Variants in CDH4 observed in about 807,000 individuals in gnomAD.
CDH4 encodes the protein cadherin-4.
CDH4 carries 33 observed loss-of-function variants against 86.0 expected under a neutral mutation model. The observed-to-expected ratio is 0.38, with a 90% confidence interval of 0.29 to 0.51. The LOEUF is 0.51. CDH4 is among the 20% of genes least tolerant of loss of function. CDH4 has a pLI of 0.86. For missense variants in CDH4, 1,114 were observed against 1,307.4 expected (o/e 0.85, Z 2.28); for synonymous variants, 555 against 549.4 (o/e 1.01, Z -0.14).
chr20:61,572,192 G>C (rs1270296623), intron 2 of CDH4, among the ~76,000 whole-genome samples: 2 of 152,190 alleles, frequency 1.3e-5, no homozygotes, highest in African/African-American at 4.8e-5. Context: ...AGTCATATCA[G>C]CTCCGTGTTA....
chr20:61,821,674 G>A (rs1568834375), intron 4 of CDH4, among the ~76,000 whole-genome samples: 1 of 152,252 alleles, frequency 6.6e-6, no homozygotes, highest in Non-Finnish European at 1.5e-5. Flanking sequence ...GCTTACACCT[G>A]TGCTTCCTGA....
chr20:61,818,633 G>T (rs967707298), intron 4 of CDH4, among the ~76,000 whole-genome samples: 27 of 150,326 alleles, frequency 1.8e-4, no homozygotes, highest in Non-Finnish European at 1.3e-4. Flanking sequence ...AGCTATGATT[G>T]CCCCACTGCA....
chr20:61,563,691 CCCTT>C (rs1379827482), intron 2 of CDH4, among the ~76,000 whole-genome samples: 5 of 152,226 alleles, frequency 3.3e-5, no homozygotes, highest in Non-Finnish European at 5.9e-5. Context: ...AAATGCAGCT[CCCTT>C]CCAGCTGAAG....
chr20:61,700,831 A>C (rs533565691), intron 2 of CDH4, among the ~76,000 whole-genome samples: 1 of 152,346 alleles, frequency 6.6e-6, no homozygotes, highest in Non-Finnish European at 1.5e-5. Flanking sequence ...GGTGAGTGCC[A>C]CATGAGTCTT....
intron 2 of CDH4, among the ~76,000 whole-genome samples, chr20:61,390,525 C>T (rs369236223): frequency 4.3e-4 from 48 of 111,164 alleles, no homozygotes; most frequent in East Asian, 1.8e-3. Context: ...TGAGATCGTA[C>T]GGTCATAGGG....
chr20:61,530,267 G>A (rs1213551516), intron 2 of CDH4, among the ~76,000 whole-genome samples: 4 of 152,136 alleles, frequency 2.6e-5, no homozygotes, highest in Non-Finnish European at 5.9e-5. Context: ...CTGACCTCAA[G>A]TGATCCGCCC....
chr20:61,536,240 G>A (rs192100181), intron 2 of CDH4, among the ~76,000 whole-genome samples: 8 of 152,236 alleles, frequency 5.3e-5, no homozygotes, highest in South Asian at 2.1e-4. Context: ...ATCCAAAGCC[G>A]TGGCTCCCCT....
rs1193561960 is a variant in CDH4, at chr20:61,902,287, C to T, written c.1188+7240C>T. On this transcript the variant is annotated intron_variant, in intron 8 of 15. Coordinates refer to ENST00000614565, the MANE Select transcript of CDH4 (RefSeq NM_001794.5). This position sits in a 1 kb window ranked among gnomAD's most constrained non-coding sequence, Gnocchi z 4.6. The stretch of plus-strand genomic sequence containing the variant: ...AAGCCGGGGCCTCTGAAACCAGGAC[C>T]CCCGGGGCCTCCATTCCAGGAGAAG... Among the ~76,000 whole-genome samples the T allele has an allele frequency of 6.6e-6, 1 of 152,210 alleles. No individual in the cohort carries two copies. Among genetic ancestry groups the T allele is most frequent in the Non-Finnish European group, 1.5e-5 (1 of 68,038 alleles).
intron 7 of CDH4, among the ~76,000 whole-genome samples, chr20:61,881,169 G>C (rs1384658485): frequency 6.6e-6 from 1 of 152,220 alleles, no homozygotes; most frequent in Non-Finnish European, 1.5e-5. Flanking sequence ...GGTCAGGACA[G>C]CTCCTCCATC....
At chr20:61,661,894 C>T (rs1480406322) in intron 2 of CDH4, among the ~76,000 whole-genome samples, 1 of 152,100 alleles carries the variant, frequency 6.6e-6, no homozygotes, top group Non-Finnish European at 1.5e-5. Flanking sequence ...GATATTGTGC[C>T]GCGGTCCTGT....
At chr20:61,533,465 C>T (rs1252930197) in intron 2 of CDH4, among the ~76,000 whole-genome samples, 1 of 152,210 alleles carries the variant, frequency 6.6e-6, no homozygotes, top group Non-Finnish European at 1.5e-5. Context: ...CTTGTCCTCC[C>T]TAGACAGGAA....
intron 3 of CDH4, among the ~76,000 whole-genome samples, chr20:61,752,209 G>T (rs941937622): frequency 6.6e-5 from 10 of 151,720 alleles, no homozygotes; most frequent in Non-Finnish European, 1.5e-4. Flanking sequence ...GTGCACACCT[G>T]TAATCCCAGC....
At chr20:61,383,347 G>C (rs1427601198) in intron 2 of CDH4, among the ~76,000 whole-genome samples, 2 of 67,596 alleles carry the variant, frequency 3.0e-5, no homozygotes, top group South Asian at 3.7e-4. Flanking sequence ...TGATATATAT[G>C]AATATATATG....
chr20:61,546,826 C>T lies in CDH4; in HGVS notation c.170-196737C>T, dbSNP rs143769535. Among the ~76,000 whole-genome samples the T allele has an allele frequency of 1.4e-3, 217 of 152,232 alleles. 1 individual carries two copies. The highest frequency in any genetic ancestry group is 4.3e-3 in the African/African-American group (178 of 41,530). ...AGGAACGGGTTGGCTGGCTGGGCGC[C>T]GACGCGGTGCCACGGGATAATCCTT... On this transcript the variant is annotated intron_variant, in intron 2 of 15. Coordinates refer to ENST00000614565, the MANE Select transcript of CDH4 (RefSeq NM_001794.5).
At chr20:61,659,520 C>T (rs898942749) in intron 2 of CDH4, among the ~76,000 whole-genome samples, 84 of 151,384 alleles carry the variant, frequency 5.5e-4, no homozygotes, top group African/African-American at 1.8e-3. Flanking sequence ...AGGGTCTCAG[C>T]GGCTTGGAGA....
At chr20:61,496,236 CAAAA>C (rs896819365) in intron 2 of CDH4, among the ~76,000 whole-genome samples, 3 of 149,972 alleles carry the variant, frequency 2.0e-5, no homozygotes, top group African/African-American at 7.4e-5. Flanking sequence ...CCTGTCTGTA[CAAAA>C]AAAAATTAAA....
intron 4 of CDH4, among the ~76,000 whole-genome samples, chr20:61,790,553 A>G (rs1203152739): frequency 1.4e-5 from 2 of 142,914 alleles, no homozygotes. Flanking sequence ...CCATCTACCT[A>G]CCCACCATCC....
chr20:61,554,352 A>G (rs992335122), intron 2 of CDH4, among the ~76,000 whole-genome samples: 4 of 152,212 alleles, frequency 2.6e-5, no homozygotes, highest in South Asian at 4.1e-4. Flanking sequence ...TAGAGGAGGC[A>G]CAGGCTCTGG....
At position 61,583,174 on chromosome 20, in the gene CDH4, G is replaced by T. The variant is rs930100417; in HGVS notation, c.170-160389G>T. Among the ~76,000 whole-genome samples the T allele has an allele frequency of 3.1e-4, 18 of 58,268 alleles. 1 individual carries two copies. Among genetic ancestry groups the T allele is most frequent in the African/African-American group, 1.0e-3 (17 of 16,250 alleles). 38.2% of individuals were successfully genotyped at this position (58,268 alleles called of 152,430 possible). On this transcript the variant is annotated intron_variant, in intron 2 of 15. Coordinates refer to ENST00000614565, the MANE Select transcript of CDH4 (RefSeq NM_001794.5). Reference sequence around the variant, plus strand: ...GCGGAGGGACAGAGGGCTCTGCGGGGGGGACAGAGGGCTCTGCGGAGGGAC... The same window carrying T: ...GCGGAGGGACAGAGGGCTCTGCGGGTGGGACAGAGGGCTCTGCGGAGGGAC...
Sources: gnomAD v4.1 joint callset for allele counts (sites outside exome capture counted in the v4.1 genomes callset) on GRCh38, gnomAD v4.1.1 for gene constraint, Gnocchi (gnomAD v3.1) non-coding constraint, MANE v1.5 for transcripts, NCBI Gene and HGNC (gene_info 2026-07-23, HGNC 2026-07-21) for gene names.